The following ZNF804B variants were observed in gnomAD, a reference collection of about 807,000 sequenced individuals.
The protein encoded by ZNF804B is zinc finger protein 804B.
ZNF804B carries 80 observed loss-of-function variants against 101.4 expected under a neutral mutation model. The observed-to-expected ratio is 0.79, with a 90% CI of 0.66 to 0.95. The LOEUF is 0.95. ZNF804B is among the 40% of genes least tolerant of loss of function. The probability of loss-of-function intolerance (pLI) is 0.00; values close to 1 mark genes in which losing one functional copy is unlikely to be tolerated. For synonymous variants in ZNF804B, 622 were observed against 558.8 expected (o/e 1.11, Z -1.59); for missense variants, 1,673 against 1,561.9 (o/e 1.07, Z -1.20).
intron 2 of ZNF804B, among the ~76,000 whole-genome samples, chr7:89,326,082 T>G (rs1369757886): frequency 6.6e-6 from 1 of 152,036 alleles, no homozygotes; most frequent in Non-Finnish European, 1.5e-5. Flanking sequence ...CAGAGAACTA[T>G]TGATCTTTTT....
At chr7:88,925,904 G>A (rs1446882878) in intron 1 of ZNF804B, among the ~76,000 whole-genome samples, 1 of 152,172 alleles carries the variant, frequency 6.6e-6, no homozygotes, top group Non-Finnish European at 1.5e-5. Flanking sequence ...GATGCTAGGT[G>A]ATCTTCAGAA....
rs936956003 is a variant in ZNF804B, at chr7:89,115,804, A to G, written c.109-102351A>G. On this transcript the variant is annotated intron_variant, in intron 1 of 3. Coordinates refer to ENST00000333190, the MANE Select transcript of ZNF804B (RefSeq NM_181646.5). ...TTTTAGCCTATTGCAAACATATTCA[A>G]TTTCTGAAGGGAGAATCAAGATTTT... 1.2e-4 allele frequency among the ~76,000 whole-genome samples: 18 copies of G among 152,218 alleles called. 1 individual carries two copies. The highest frequency in any genetic ancestry group is 2.6e-4 in the Admixed American group (4 of 15,302).
intron 1 of ZNF804B, among the ~76,000 whole-genome samples, chr7:88,829,483 C>A (rs900917173): frequency 9.2e-5 from 14 of 151,994 alleles, no homozygotes; most frequent in African/African-American, 3.1e-4. Context: ...CCAATGTGAT[C>A]CTATTAAAGG....
chr7:89,187,484 C>A (rs1018494712), intron 1 of ZNF804B, among the ~76,000 whole-genome samples: 1 of 152,124 alleles, frequency 6.6e-6, no homozygotes, highest in Admixed American at 6.6e-5. Context: ...GGTTTTCACA[C>A]ATTCAAACTA....
chr7:89,144,385 C>T (rs1170535744), intron 1 of ZNF804B, among the ~76,000 whole-genome samples: 3 of 151,804 alleles, frequency 2.0e-5, no homozygotes, highest in Non-Finnish European at 4.4e-5. Flanking sequence ...TCTTATTCTG[C>T]TCTTTCAAAA....
intron 1 of ZNF804B, among the ~76,000 whole-genome samples, chr7:88,844,182 T>C (rs993973141): frequency 1.3e-5 from 2 of 152,180 alleles, no homozygotes; most frequent in African/African-American, 4.8e-5. Context: ...ATTTCTCCCA[T>C]TATAATGCCA....
intron 1 of ZNF804B, among the ~76,000 whole-genome samples, chr7:89,033,429 GCAGT>G (rs569205002): frequency 1.2e-3 from 181 of 152,272 alleles, no homozygotes; most frequent in Middle Eastern, 3.4e-3. Flanking sequence ...ACATAGGGGT[GCAGT>G]CATCATTTGA....
intron 1 of ZNF804B, among the ~76,000 whole-genome samples, chr7:89,053,947 GTTAT>G (rs1289013227): frequency 1.3e-5 from 2 of 151,956 alleles, no homozygotes; most frequent in African/African-American, 4.8e-5. Flanking sequence ...ATGTTGAAGT[GTTAT>G]TTGTCACTCA....
In ZNF804B at chr7:88,902,516, A is replaced by G. The variant is rs1210796519; in HGVS notation, c.108+142432A>G. 2.0e-5 allele frequency among the ~76,000 whole-genome samples: 3 copies of G among 152,062 alleles called. No individual in the cohort carries two copies. In the East Asian group the frequency reaches 5.8e-4, roughly 29 times the overall value. ...GGAGTAAGTGAGCATCAGTGAGTATATAACATTTTTTCTTTCCTGAATAAA... is the reference window on the plus strand; with the variant it reads ...GGAGTAAGTGAGCATCAGTGAGTATGTAACATTTTTTCTTTCCTGAATAAA... On this transcript the variant is annotated intron_variant, in intron 1 of 3. Coordinates refer to ENST00000333190, the MANE Select transcript of ZNF804B (RefSeq NM_181646.5).
intron 2 of ZNF804B, among the ~76,000 whole-genome samples, chr7:89,231,271 T>G (rs1789187144): frequency 6.6e-6 from 1 of 152,026 alleles, no homozygotes; most frequent in East Asian, 1.9e-4. Context: ...AATGTATAAG[T>G]TTATTTCTAG....
At chr7:89,178,304 A>AT (rs59455234) in intron 1 of ZNF804B, among the ~76,000 whole-genome samples, 114,515 of 142,256 alleles carry the variant, frequency 0.8, 44,797 homozygotes, top group Middle Eastern at 0.92. Context: ...TACTCCTGCC[A>AT]TTTTTTTTTT....
chr7:89,184,322 T>G (rs1012283076), intron 1 of ZNF804B, among the ~76,000 whole-genome samples: 2 of 152,200 alleles, frequency 1.3e-5, no homozygotes, highest in Non-Finnish European at 2.9e-5. Context: ...TCCAGCAGCT[T>G]ATGGAATCCA....
intron 1 of ZNF804B, among the ~76,000 whole-genome samples, chr7:88,827,416 G>A (rs1014870871): frequency 6.8e-6 from 1 of 147,860 alleles, no homozygotes; most frequent in African/African-American, 2.5e-5. Flanking sequence ...ATGTGTCTTT[G>A]TATTTACATA....
At chr7:89,061,564 A>G (rs1789380268) in intron 1 of ZNF804B, among the ~76,000 whole-genome samples, 1 of 152,162 alleles carries the variant, frequency 6.6e-6, no homozygotes, top group Non-Finnish European at 1.5e-5. Context: ...TCCTAGAGGC[A>G]GCACTATTGT....
At chr7:89,069,323 G>A (rs949457262) in intron 1 of ZNF804B, among the ~76,000 whole-genome samples, 2 of 152,142 alleles carry the variant, frequency 1.3e-5, no homozygotes, top group African/African-American at 2.4e-5. Flanking sequence ...GAAAACTCAT[G>A]TACCATTAAA....
chr7:88,811,624 C>T (rs901464652), intron 1 of ZNF804B, among the ~76,000 whole-genome samples: 2 of 152,076 alleles, frequency 1.3e-5, no homozygotes, highest in Admixed American at 6.6e-5. Flanking sequence ...ACATATACAC[C>T]TGGAGTACTA....
At chr7:89,212,885 C>T (rs1384026326) in intron 1 of ZNF804B, among the ~76,000 whole-genome samples, 2 of 152,104 alleles carry the variant, frequency 1.3e-5, no homozygotes, top group Non-Finnish European at 2.9e-5. Flanking sequence ...AGTTAGGTTT[C>T]CTACAGTCAT....
rs144760279 is a variant in ZNF804B, at chr7:89,018,249, T to G, written c.109-199906T>G. ...AACAGATTTTAATGTTATCAAATGT[T>G]TCTGCATCTATTGAGAAGATCATAT... On this transcript the variant is annotated intron_variant, in intron 1 of 3. Transcript: ENST00000333190. Among the ~76,000 whole-genome samples the G allele has an allele frequency of 4.8e-3, 732 of 152,262 alleles. 7 individuals carry two copies. Among genetic ancestry groups the G allele is most frequent in the African/African-American group, 0.016 (673 of 41,570 alleles).
chr7:89,203,762 A>G (rs914021420), intron 1 of ZNF804B, among the ~76,000 whole-genome samples: 9 of 152,096 alleles, frequency 5.9e-5, no homozygotes, highest in African/African-American at 2.2e-4. Context: ...CGTTCAGGAG[A>G]ATAGAGAGAT....
Sources: allele counts gnomAD v4.1 joint callset (sites outside exome capture counted in the v4.1 genomes callset), GRCh38; gene constraint gnomAD v4.1.1; transcripts MANE v1.5; gene names NCBI Gene and HGNC (gene_info 2026-07-23, HGNC 2026-07-21).